Variants in MYZAP observed in about 807,000 individuals in gnomAD.
MYZAP encodes myocardial zonula adherens protein.
Under a neutral mutation model 69.4 loss-of-function variants are expected in MYZAP, and 66 were observed. That is an observed-to-expected ratio of 0.95 (90% CI 0.78 to 1.17). The LOEUF is 1.17. MYZAP is among the 50% of genes most tolerant of loss of function. MYZAP has a pLI of 0.00. For missense variants in MYZAP, 611 were observed against 556.2 expected, an observed-to-expected ratio of 1.10 and a Z score of -0.99; for synonymous variants, 256 against 205.9, an observed-to-expected ratio of 1.24 and a Z score of -2.09.
intron 3 of MYZAP, among the ~76,000 whole-genome samples, chr15:57,620,114 T>TGCCTG (rs1267059089): frequency 6.6e-6 from 1 of 152,200 alleles, no homozygotes; most frequent in African/African-American, 2.4e-5. Flanking sequence ...AAAGCCGTTC[T>TGCCTG]GCCTGCCTAG....
At position 57,610,400 on chromosome 15, in the gene MYZAP, G is replaced by A. The variant is rs116454513; in HGVS notation, c.162+6045G>A. Among the ~76,000 whole-genome samples the A allele has an allele frequency of 7.3e-3, 1,106 of 152,286 alleles. 13 individuals carry two copies. The highest frequency in any genetic ancestry group is 0.025 in the African/African-American group (1,052 of 41,550). ...TGTTTATACAACCTCGCGGGCTGTT[G>A]CCAAGTGAGCGAGTGTGCTGCCATG... On this transcript the variant is annotated intron_variant, in intron 2 of 12. Coordinates refer to ENST00000267853, the MANE Select transcript of MYZAP (RefSeq NM_001018100.5).
At chr15:57,677,499 A>G (rs1595943928) in intron 12 of MYZAP, among the ~76,000 whole-genome samples, 2 of 152,204 alleles carry the variant, frequency 1.3e-5, no homozygotes, top group East Asian at 3.8e-4. Context: ...TAATAAATAG[A>G]GAGCTACTAA....
intron 3 of MYZAP, 93 bp downstream of exon 3, chr15:57,618,281 G>A (rs546719870): frequency 2.8e-5 from 42 of 1,506,856 alleles, no homozygotes; most frequent in Non-Finnish European, 3.5e-5. Flanking sequence ...ATGTAATAAG[G>A]CATTTTGAAA....
intron 11 of MYZAP, among the ~76,000 whole-genome samples, chr15:57,662,688 AT>A (rs2038369291): frequency 6.6e-6 from 1 of 152,128 alleles, no homozygotes; most frequent in South Asian, 2.1e-4. Flanking sequence ...GTTAGATGAT[AT>A]TTTCCCCCTT....
At position 57,685,222 on chromosome 15, in the gene MYZAP, T is replaced by C. The variant is rs1243900162; in HGVS notation, c.*724T>C. The C allele has an allele frequency of 6.6e-6, 1 of 152,248 alleles. No individual in the cohort carries two copies. The highest frequency in any genetic ancestry group is 2.4e-5 in the African/African-American group (1 of 41,466). 9.4% of individuals were successfully genotyped at this position (152,248 alleles called of 1,614,324 possible). The stretch of plus-strand genomic sequence containing the variant: ...TAACTTAAAGAGAATTTTATATGTC[T>C]TGGAAATTTAATAATTTAGTGTTCT... On this transcript the variant is annotated 3_prime_UTR_variant, in exon 13 of 13. Transcript: ENST00000267853.
intron 11 of MYZAP, among the ~76,000 whole-genome samples, chr15:57,674,106 C>T (rs1343609169): frequency 6.6e-6 from 1 of 152,178 alleles, no homozygotes; most frequent in African/African-American, 2.4e-5. Flanking sequence ...TCTCAATACG[C>T]AGACATAACC....
At chr15:57,664,179 A>G (rs1408207858) in intron 11 of MYZAP, among the ~76,000 whole-genome samples, 2 of 151,832 alleles carry the variant, frequency 1.3e-5, no homozygotes, top group African/African-American at 4.8e-5. Context: ...CATCTTTGAG[A>G]TCCAAAAGAG....
At chr15:57,633,539 C>G in intron 7 of MYZAP, 74 bp from the exon 8 acceptor site, 1 of 1,526,282 alleles carries the variant, frequency 6.6e-7, no homozygotes, top group Non-Finnish European at 8.8e-7. Flanking sequence ...CTAGCAAGGC[C>G]TGAGCTGATT....
rs1449104255 is a variant in MYZAP at position 57,592,013 on chromosome 15, C to G, written c.-22C>G. The stretch of plus-strand genomic sequence containing the variant: ...CCGGGAGGAACGCCGGCGTCCAGCC[C>G]GCTACCGACCGCCGCTGCGGGATGC... On this transcript the variant is annotated 5_prime_UTR_variant, in exon 1 of 13. Coordinates refer to ENST00000267853, the MANE Select transcript of MYZAP (RefSeq NM_001018100.5). 5 of 1,429,972 alleles carry G rather than the reference C, an allele frequency of 3.5e-6. No individual in the cohort carries two copies. The Admixed American group carries it at 1.1e-4, about 31-fold the overall frequency. 88.6% of individuals were successfully genotyped at this position (1,429,972 alleles called of 1,614,324 possible).
chr15:57,666,613 C>A (rs938900885), intron 11 of MYZAP, among the ~76,000 whole-genome samples: 5 of 152,110 alleles, frequency 3.3e-5, no homozygotes, highest in Non-Finnish European at 1.5e-5. Context: ...TGAGTGAGAA[C>A]ATGCGGTGTT....
chr15:57,649,107 C>G (rs1475697004), intron 10 of MYZAP, among the ~76,000 whole-genome samples: 1 of 152,086 alleles, frequency 6.6e-6, no homozygotes, highest in African/African-American at 2.4e-5. Flanking sequence ...ATTTCAATGG[C>G]TAATATCCTT....
chr15:57,675,098 TA>T (rs2039054739), intron 12 of MYZAP, 30 bp downstream of exon 12: 1 of 1,252,656 alleles, frequency 8.0e-7, no homozygotes, highest in South Asian at 1.3e-5. Flanking sequence ...TTTTTTTTTT[TA>T]TTCAAATTCC....
At chr15:57,638,358 T>C (rs1281180536) in intron 9 of MYZAP, among the ~76,000 whole-genome samples, 1 of 152,174 alleles carries the variant, frequency 6.6e-6, no homozygotes, top group Admixed American at 6.5e-5. Context: ...TTGTGCCACA[T>C]GGAAATTCAT....
chr15:57,674,819 A>G (rs888392479), intron 11 of MYZAP, 149 bp from the exon 12 acceptor site: 2 of 643,498 alleles, frequency 3.1e-6, no homozygotes, highest in Non-Finnish European at 5.1e-6. Flanking sequence ...TTTCTTCAAC[A>G]ACTATTGTGT....
chr15:57,633,567 C>G lies in MYZAP; in HGVS notation c.805-46C>G, dbSNP rs752701091. The stretch of plus-strand genomic sequence containing the variant: ...AGCTGATTGGATCCCGGTGAGTAGC[C>G]TCGGTACTCCATGCCTGTACTTAGG... On this transcript the variant is annotated intron_variant, in intron 7 of 12. Transcript: ENST00000267853. The G allele has an allele frequency of 3.2e-6, 5 of 1,572,548 alleles. No homozygotes were observed. In the South Asian group the frequency reaches 3.7e-5, roughly 12 times the overall value.
chr15:57,632,313 C>A, intron 6 of MYZAP, 121 bp from the exon 7 acceptor site: 1 of 1,499,860 alleles, frequency 6.7e-7, no homozygotes, highest in Non-Finnish European at 9.0e-7. Context: ...TGTCTCTCTG[C>A]TGCAGAACCC....
rs560629162 is a variant in MYZAP at position 57,653,317 on chromosome 15, C to T, written c.1120-8133C>T. Among the ~76,000 whole-genome samples the T allele has an allele frequency of 4.6e-5, 7 of 152,160 alleles. No individual in the cohort carries two copies. The East Asian group carries it at 7.7e-4, about 17-fold the overall frequency. ...ACATTATTTGAAAATTTGACAATTTCGCAAGGAAACAGCTTGAAGTTCCCC... is the reference window on the plus strand; with the variant it reads ...ACATTATTTGAAAATTTGACAATTTTGCAAGGAAACAGCTTGAAGTTCCCC... On this transcript the variant is annotated intron_variant, in intron 10 of 12. Transcript: ENST00000267853.
chr15:57,609,318 G>A (rs781725015), intron 2 of MYZAP, among the ~76,000 whole-genome samples: 14 of 152,202 alleles, frequency 9.2e-5, no homozygotes, highest in South Asian at 2.1e-4. Context: ...ATTCTGTCAC[G>A]GTTCTGGAGT....
At chr15:57,643,347 T>C (rs2037269843) in intron 10 of MYZAP, among the ~76,000 whole-genome samples, 2 of 152,174 alleles carry the variant, frequency 1.3e-5, no homozygotes, top group African/African-American at 4.8e-5. Context: ...AGGGTAGTCT[T>C]GCCTTTGGGT....
Sources: gnomAD v4.1 joint callset for allele counts (sites outside exome capture counted in the v4.1 genomes callset) on GRCh38, gnomAD v4.1.1 for gene constraint, MANE v1.5 for transcripts, NCBI Gene and HGNC (gene_info 2026-07-23, HGNC 2026-07-21) for gene names.